The following TACC2 variants were observed in gnomAD, a reference collection of about 807,000 sequenced individuals.
The protein encoded by TACC2 is transforming acidic coiled-coil-containing protein 2.
TACC2 carries 137 observed loss-of-function variants against 227.3 expected under a neutral mutation model. That is an observed-to-expected ratio of 0.60 (90% CI 0.52 to 0.69). The LOEUF (loss-of-function observed/expected upper bound fraction) is 0.69. TACC2 is among the 30% of genes least tolerant of loss of function. The pLI is 0.00. For synonymous variants in TACC2, 1,523 were observed against 1,487.5 expected, an observed-to-expected ratio of 1.02 and a Z score of -0.55; for missense variants, 3,470 against 3,694.4, an observed-to-expected ratio of 0.94 and a Z score of 1.57.
At chr10:122,212,872 C>T (rs978808919) in intron 9 of TACC2, among the ~76,000 whole-genome samples, 1 of 152,204 alleles carries the variant, frequency 6.6e-6, no homozygotes, top group African/African-American at 2.4e-5. Context: ...CTAGAATTCA[C>T]GTTGGAAACT....
Position 122,025,585 on chromosome 10 carries a change from T to A in TACC2, c.33+3571T>A, listed in dbSNP as rs1177364527. Among the ~76,000 whole-genome samples the A allele has an allele frequency of 2.8e-3, 403 of 145,950 alleles. 1 individual carries two copies. The highest frequency in any genetic ancestry group is 9.5e-3 in the African/African-American group (371 of 39,216). ...CTATTATTTTTATTTATTTTATTTT[T>A]TTTTTTGAGATGGAGTCTTGCTCTG... On this transcript the variant is annotated intron_variant, in intron 2 of 22. Coordinates refer to ENST00000369005, the MANE Select transcript of TACC2 (RefSeq NM_206862.4).
intron 6 of TACC2, among the ~76,000 whole-genome samples, chr10:122,137,102 TG>T (rs2089827770): frequency 6.6e-6 from 1 of 151,744 alleles, no homozygotes; most frequent in Non-Finnish European, 1.5e-5. Context: ...CTTTCTCTAT[TG>T]TTAATGCCAC....
rs150593368 is a variant in TACC2 at position 122,120,175 on chromosome 10, T to C, written c.5574-12434T>C. 3.9e-5 allele frequency among the ~76,000 whole-genome samples: 6 copies of C among 152,290 alleles called. No individual in the cohort carries two copies. In the East Asian group the frequency reaches 1.2e-3, roughly 29 times the overall value. The stretch of plus-strand genomic sequence containing the variant: ...GTAAGGTCTCCTGGGGAGCTGGAGC[T>C]GTGAGTCAGCAGGTCACCCCCTGCC... On this transcript the variant is annotated intron_variant, in intron 5 of 22. Coordinates refer to ENST00000369005, the MANE Select transcript of TACC2 (RefSeq NM_206862.4).
chr10:122,059,976 C>T (rs1281164656), intron 3 of TACC2, among the ~76,000 whole-genome samples: 2 of 152,152 alleles, frequency 1.3e-5, no homozygotes, highest in Non-Finnish European at 2.9e-5. Context: ...TCTGGCACTC[C>T]TAAGGTTTGA....
chr10:122,130,505 C>A (rs2087846618), intron 5 of TACC2, among the ~76,000 whole-genome samples: 1 of 152,104 alleles, frequency 6.6e-6, no homozygotes, highest in Admixed American at 6.6e-5. Flanking sequence ...TGGTCTTCAA[C>A]TCCTGGCTTC....
At chr10:122,197,122 A>G (rs1238980572) in intron 8 of TACC2, among the ~76,000 whole-genome samples, 1 of 143,738 alleles carries the variant, frequency 7.0e-6, no homozygotes, top group African/African-American at 2.6e-5. Flanking sequence ...TTAGCCAGGC[A>G]TGGTGCCGCA....
At chr10:122,176,743 G>C (rs1189149562) in intron 7 of TACC2, among the ~76,000 whole-genome samples, 1 of 152,182 alleles carries the variant, frequency 6.6e-6, no homozygotes, top group Non-Finnish European at 1.5e-5. Flanking sequence ...CACCCACCTA[G>C]GTTCTTTGGC....
intron 7 of TACC2, among the ~76,000 whole-genome samples, chr10:122,190,822 G>A (rs145641375): frequency 2.0e-5 from 3 of 152,212 alleles, no homozygotes; most frequent in African/African-American, 7.2e-5. Flanking sequence ...AGGTTTTTGA[G>A]TTCCTCCAAA....
intron 3 of TACC2, among the ~76,000 whole-genome samples, chr10:122,059,066 G>T (rs765317472): frequency 0.54 from 68,855 of 127,670 alleles, 20,433 homozygotes; most frequent in Non-Finnish European, 0.63. Context: ...CTAATTTGTT[G>T]TTGTTGTTGT....
chr10:122,251,753 C>T (rs111954146), intron 22 of TACC2, among the ~76,000 whole-genome samples: 4 of 152,278 alleles, frequency 2.6e-5, no homozygotes, highest in African/African-American at 4.8e-5. Flanking sequence ...GTCATTTTGG[C>T]TATTGTAGCA....
intron 8 of TACC2, among the ~76,000 whole-genome samples, chr10:122,204,558 G>A (rs759216785): frequency 5.9e-5 from 9 of 152,208 alleles, no homozygotes; most frequent in Non-Finnish European, 1.2e-4. Context: ...CATGTGGGCC[G>A]GGTACGGTGG....
At position 122,072,974 on chromosome 10, in the gene TACC2, G is replaced by A. The variant is rs150814112; in HGVS notation, c.147-9673G>A. ...TAAAAATACAAAAAATTAGCCAGGC[G>A]TGGTGGCGCGGGCCTGTAGTCCCAG... On this transcript the variant is annotated intron_variant, in intron 3 of 22. Coordinates refer to ENST00000369005, the MANE Select transcript of TACC2 (RefSeq NM_206862.4). Among the ~76,000 whole-genome samples, 173 of 151,514 alleles carry A rather than the reference G, an allele frequency of 1.1e-3. 1 individual carries two copies. The highest frequency in any genetic ancestry group is 1.7e-3 in the Non-Finnish European group (113 of 67,784).
At position 122,176,127 on chromosome 10, in the gene TACC2, A is replaced by C. The variant is rs1037131652; in HGVS notation, c.5835-18913A>C. Among the ~76,000 whole-genome samples, 748 of 122,742 alleles carry C rather than the reference A, an allele frequency of 6.1e-3. 3 individuals carry two copies. The highest frequency in any genetic ancestry group is 0.014 in the Middle Eastern group (3 of 220). 80.5% of individuals were successfully genotyped at this position (122,742 alleles called of 152,430 possible). On this transcript the variant is annotated intron_variant, in intron 7 of 22. Coordinates refer to ENST00000369005, the MANE Select transcript of TACC2 (RefSeq NM_206862.4). Reference sequence around the variant, plus strand: ...TCTCTCTCTCTCTCTCTATATATATATATATATATATATATATATGAAGAT... The same window carrying C: ...TCTCTCTCTCTCTCTCTATATATATCTATATATATATATATATATGAAGAT...
At chr10:122,029,010 CCCCTT>C (rs1225417933) in intron 2 of TACC2, among the ~76,000 whole-genome samples, 51 of 83,444 alleles carry the variant, frequency 6.1e-4, no homozygotes, top group Admixed American at 8.0e-4. Context: ...CCCCTCCCCT[CCCCTT>C]CCCTTCCCGT....
intron 20 of TACC2, 98 bp from the exon 21 acceptor site, chr10:122,248,952 T>G: frequency 2.0e-6 from 3 of 1,486,212 alleles, no homozygotes; most frequent in Non-Finnish European, 2.8e-6. Flanking sequence ...CTTGGCCGCC[T>G]GGGGTTACAC....
intron 3 of TACC2, among the ~76,000 whole-genome samples, chr10:122,079,384 G>A (rs1034429225): frequency 3.3e-5 from 5 of 152,252 alleles, no homozygotes; most frequent in Non-Finnish European, 5.9e-5. Context: ...TCTGTCTTCC[G>A]TGACCATTTG....
At chr10:122,115,847 G>A (rs1394204707) in intron 5 of TACC2, among the ~76,000 whole-genome samples, 4 of 152,080 alleles carry the variant, frequency 2.6e-5, no homozygotes, top group Non-Finnish European at 5.9e-5. Context: ...GCAGGTCCTT[G>A]CAACTTTTGC....
At chr10:122,147,441 C>T (rs545005033) in intron 7 of TACC2, among the ~76,000 whole-genome samples, 16 of 152,272 alleles carry the variant, frequency 1.1e-4, no homozygotes, top group South Asian at 4.2e-4. Flanking sequence ...CACTGCGCCC[C>T]GCCAAGTTCC....
At chr10:122,207,408 A>G (rs1201158847) in intron 8 of TACC2, among the ~76,000 whole-genome samples, 5 of 152,148 alleles carry the variant, frequency 3.3e-5, no homozygotes, top group Non-Finnish European at 5.9e-5. Flanking sequence ...CTGGTAACCA[A>G]CACAATAAGA....
Sources: gnomAD v4.1 joint callset for allele counts (sites outside exome capture counted in the v4.1 genomes callset) on GRCh38, gnomAD v4.1.1 for gene constraint, MANE v1.5 for transcripts, NCBI Gene and HGNC (gene_info 2026-07-23, HGNC 2026-07-21) for gene names.